Variants in ENTREP1 observed in about 807,000 individuals in gnomAD.
ENTREP1 encodes endosomal transmembrane epsin interactor 1, also known as Friedreich ataxia region gene X123.
chr9:69,337,904 T>C, the ENTREP1 span, among the ~76,000 whole-genome samples: 3,114 of 152,316 alleles, frequency 0.02, 40 homozygotes, highest in South Asian at 0.05. Context: ...CTGAAACAGA[T>C]TGTTGTTTGC....
At chr9:69,350,423 C>A in the ENTREP1 span, among the ~76,000 whole-genome samples, 3 of 152,118 alleles carry the variant, frequency 2.0e-5, no homozygotes, top group Non-Finnish European at 2.9e-5. Flanking sequence ...TGATCATATT[C>A]TTTTTGCTAG....
At chr9:69,384,050 T>G in the ENTREP1 span, 10 of 1,534,054 alleles carry the variant, frequency 6.5e-6, no homozygotes, top group Non-Finnish European at 9.0e-6. Flanking sequence ...GTGACATGAT[T>G]CAGTAGATTA....
chr9:69,388,028 AG>A, the ENTREP1 span: 1 of 1,573,870 alleles, frequency 6.4e-7, no homozygotes, highest in Admixed American at 1.9e-5. Flanking sequence ...GATGAAAAGC[AG>A]GATGTGCATG....
the ENTREP1 span, among the ~76,000 whole-genome samples, chr9:69,384,957 T>G: frequency 6.6e-6 from 1 of 152,180 alleles, no homozygotes; most frequent in Non-Finnish European, 1.5e-5. Context: ...GTTTTACTCC[T>G]TTTGCTCAGG....
chr9:69,345,507 A>C, the ENTREP1 span, among the ~76,000 whole-genome samples: 1 of 152,180 alleles, frequency 6.6e-6, no homozygotes, highest in African/African-American at 2.4e-5. Context: ...TCTCAAACAC[A>C]CCACAGTGAT....
At chr9:69,324,644 G>C in the ENTREP1 span, 6 of 985,414 alleles carry the variant, frequency 6.1e-6, no homozygotes, top group African/African-American at 1.7e-5. Flanking sequence ...GGCACGTCCT[G>C]CGCCCTGTGA....
chr9:69,364,788 A>G, the ENTREP1 span, among the ~76,000 whole-genome samples: 48 of 152,356 alleles, frequency 3.2e-4, no homozygotes, highest in African/African-American at 1.2e-3. Context: ...TAGTAAAGTC[A>G]TATGCCGGAA....
the ENTREP1 span, among the ~76,000 whole-genome samples, chr9:69,344,217 G>A: frequency 3.9e-5 from 6 of 152,200 alleles, no homozygotes; most frequent in Non-Finnish European, 1.5e-5. Flanking sequence ...TAAAATTCAT[G>A]TGTTGTCATG....
chr9:69,355,639 T>C, the ENTREP1 span, among the ~76,000 whole-genome samples: 1 of 152,174 alleles, frequency 6.6e-6, no homozygotes, highest in African/African-American at 2.4e-5. Flanking sequence ...AACTTATCAT[T>C]GTCTCTTATG....
chr9:69,373,337 C>CTCTTG, the ENTREP1 span, among the ~76,000 whole-genome samples: 1 of 152,136 alleles, frequency 6.6e-6, no homozygotes, highest in African/African-American at 2.4e-5. Flanking sequence ...CAAGGGGTTG[C>CTCTTG]TCTTCTCTTC....
chr9:69,336,274 G>A, the ENTREP1 span: 1 of 1,567,320 alleles, frequency 6.4e-7, no homozygotes, highest in Non-Finnish European at 8.8e-7. Context: ...CTCCTGGTAT[G>A]TACTGATCTT....
At chr9:69,390,186 C>T in the ENTREP1 span, among the ~76,000 whole-genome samples, 1 of 152,170 alleles carries the variant, frequency 6.6e-6, no homozygotes, top group African/African-American at 2.4e-5. Context: ...ACCTTAAAGA[C>T]AAATGTAATT....
At chr9:69,377,371 A>C in the ENTREP1 span, 1 of 1,604,478 alleles carries the variant, frequency 6.2e-7, no homozygotes. Flanking sequence ...TTGCCCCAGA[A>C]AGTCCTCTTT....
the ENTREP1 span, among the ~76,000 whole-genome samples, chr9:69,372,990 A>G: frequency 6.6e-6 from 1 of 151,728 alleles, no homozygotes; most frequent in South Asian, 2.1e-4. Flanking sequence ...TTAAAGGAAG[A>G]ATGTCTATAC....
chr9:69,324,584 C>G, the ENTREP1 span: 59,037 of 985,178 alleles, frequency 0.06, 2,025 homozygotes, highest in African/African-American at 0.12. Context: ...TCCTTTCATT[C>G]CCGCTCCTAC....
the ENTREP1 span, among the ~76,000 whole-genome samples, chr9:69,340,621 G>GTGCA: frequency 2.2e-3 from 162 of 73,284 alleles, 2 homozygotes; most frequent in Middle Eastern, 0.011. Flanking sequence ...GCATGTGTGT[G>GTGCA]TGCATGTGTG....
At chr9:69,354,969 C>T in the ENTREP1 span, among the ~76,000 whole-genome samples, 2 of 152,152 alleles carry the variant, frequency 1.3e-5, no homozygotes, top group South Asian at 2.1e-4. Flanking sequence ...AAAAGGGGGT[C>T]CTTATATAAA....
chr9:69,374,968 C>T, the ENTREP1 span, among the ~76,000 whole-genome samples: 3 of 152,210 alleles, frequency 2.0e-5, no homozygotes, highest in Non-Finnish European at 4.4e-5. Context: ...AATCATTTTG[C>T]ACAGTGCCTG....
the ENTREP1 span, among the ~76,000 whole-genome samples, chr9:69,326,301 C>T: frequency 3.3e-5 from 5 of 152,080 alleles, no homozygotes; most frequent in South Asian, 6.3e-4. Flanking sequence ...TGTGAACTGG[C>T]GCTTGTACCT....
Sources: allele counts gnomAD v4.1 joint callset (sites outside exome capture counted in the v4.1 genomes callset), GRCh38; gene constraint gnomAD v4.1.1; transcripts MANE v1.5; gene names NCBI Gene and HGNC (gene_info 2026-07-23, HGNC 2026-07-21).